FRMD4A: variants seen among roughly 807,000 people sequenced by gnomAD.
The protein encoded by FRMD4A is FERM domain containing 4A.
In FRMD4A, 29 loss-of-function variants were observed where a neutral mutation model predicts 129.1. That is an observed-to-expected ratio of 0.22 (90% CI 0.17 to 0.31). The LOEUF (loss-of-function observed/expected upper bound fraction) is 0.31, where lower values mean the gene tolerates loss of function less well. Ranked by LOEUF, FRMD4A falls within the 10% of genes least tolerant of loss-of-function variation. The pLI is 1.00. For missense variants in FRMD4A, 1,272 were observed against 1,375.8 expected, an observed-to-expected ratio of 0.92 and a Z score of 1.19; for synonymous variants, 634 against 571.6, an observed-to-expected ratio of 1.11 and a Z score of -1.56.
chr10:13,713,425 C>A (rs761045109), intron 12 of FRMD4A, among the ~76,000 whole-genome samples: 2 of 152,164 alleles, frequency 1.3e-5, no homozygotes, highest in Non-Finnish European at 2.9e-5. Flanking sequence ...GAATTAGACT[C>A]ATGGACAGGA....
At chr10:14,307,096 G>A (rs77089633) in intron 2 of FRMD4A, among the ~76,000 whole-genome samples, 1 of 152,194 alleles carries the variant, frequency 6.6e-6, no homozygotes, top group African/African-American at 2.4e-5. Context: ...TCATGTATTA[G>A]CCATTAATAT....
intron 2 of FRMD4A, among the ~76,000 whole-genome samples, chr10:14,291,186 C>T (rs1845841037): frequency 6.6e-6 from 1 of 152,044 alleles, no homozygotes; most frequent in African/African-American, 2.4e-5. Flanking sequence ...AGATTCAGAA[C>T]ACTGGAAATA....
At chr10:14,298,248 C>G (rs1460013621) in intron 2 of FRMD4A, among the ~76,000 whole-genome samples, 1 of 152,174 alleles carries the variant, frequency 6.6e-6, no homozygotes, top group Non-Finnish European at 1.5e-5. Context: ...CTACATGAAT[C>G]TGACAGGTAA....
chr10:13,945,370 G>C (rs1001538783), intron 2 of FRMD4A, among the ~76,000 whole-genome samples: 2 of 152,066 alleles, frequency 1.3e-5, no homozygotes, highest in East Asian at 3.9e-4. Flanking sequence ...ATTTGTAATA[G>C]GTTTCTTTCT....
Position 13,983,242 on chromosome 10 carries a change from A to G in FRMD4A, c.46-124330T>C, listed in dbSNP as rs934536280. ...AAATATTTACTTAACCCAAGGCTCAATGTGTTCCTAAATTTGCAAGCAGTC... is the reference window on the plus strand; with the variant it reads ...AAATATTTACTTAACCCAAGGCTCAGTGTGTTCCTAAATTTGCAAGCAGTC... On this transcript the variant is annotated intron_variant, in intron 2 of 24. Coordinates refer to ENST00000357447, the MANE Select transcript of FRMD4A (RefSeq NM_018027.5). Among the ~76,000 whole-genome samples, 3 of 152,296 alleles carry G rather than the reference A, an allele frequency of 2.0e-5. No homozygotes were observed. In the South Asian group the frequency reaches 6.2e-4, roughly 32 times the overall value.
intron 2 of FRMD4A, among the ~76,000 whole-genome samples, chr10:14,257,985 A>G (rs1844674671): frequency 1.3e-5 from 2 of 152,306 alleles, no homozygotes; most frequent in South Asian, 4.1e-4. Context: ...TGCTGCTAAT[A>G]TTGGATAGCC....
chr10:14,095,738 T>A (rs1836921579), intron 2 of FRMD4A, among the ~76,000 whole-genome samples: 1 of 152,206 alleles, frequency 6.6e-6, no homozygotes, highest in African/African-American at 2.4e-5. Flanking sequence ...CCATATATGA[T>A]GTGGCATATA....
intron 3 of FRMD4A, among the ~76,000 whole-genome samples, chr10:13,835,452 C>T (rs1019033001): frequency 2.0e-5 from 3 of 152,186 alleles, no homozygotes; most frequent in African/African-American, 7.2e-5. Context: ...AGGAACCGGG[C>T]TCCACAGCAG....
intron 2 of FRMD4A, among the ~76,000 whole-genome samples, chr10:13,999,481 C>A (rs771586514): frequency 3.3e-5 from 5 of 152,216 alleles, no homozygotes; most frequent in Non-Finnish European, 7.3e-5. Context: ...CAATATACTT[C>A]TAACCCTTAT....
chr10:13,851,494 T>A (rs975966694), intron 3 of FRMD4A, among the ~76,000 whole-genome samples: 5 of 152,170 alleles, frequency 3.3e-5, no homozygotes, highest in African/African-American at 9.7e-5. Flanking sequence ...CCCCATTGCT[T>A]GCATTACTGC....
chr10:14,093,714 C>T (rs1456652517), intron 2 of FRMD4A, among the ~76,000 whole-genome samples: 2 of 94,020 alleles, frequency 2.1e-5, no homozygotes, highest in Non-Finnish European at 4.5e-5. Flanking sequence ...GATGGCATTT[C>T]ATCATTTAAT....
chr10:13,940,610 C>A (rs1041110027), intron 2 of FRMD4A, among the ~76,000 whole-genome samples: 1 of 152,134 alleles, frequency 6.6e-6, no homozygotes, highest in Non-Finnish European at 1.5e-5. Flanking sequence ...ACAGGAATGG[C>A]GCTATCACTG....
intron 2 of FRMD4A, among the ~76,000 whole-genome samples, chr10:14,315,977 A>G (rs1307803037): frequency 6.6e-6 from 1 of 152,188 alleles, no homozygotes; most frequent in Admixed American, 6.5e-5. Flanking sequence ...CTCCAATTCT[A>G]CCAGGTGGGT....
chr10:14,131,343 T>A (rs1011860028), intron 2 of FRMD4A, among the ~76,000 whole-genome samples: 4 of 151,812 alleles, frequency 2.6e-5, no homozygotes, highest in Admixed American at 2.0e-4. Flanking sequence ...GATGGCAGAG[T>A]AGAAGCAAAG....
intron 3 of FRMD4A, among the ~76,000 whole-genome samples, chr10:13,834,067 C>G (rs2093833926): frequency 6.6e-6 from 1 of 152,116 alleles, no homozygotes; most frequent in Non-Finnish European, 1.5e-5. Context: ...AGTACAAAAC[C>G]AGCCTGGCCA....
intron 2 of FRMD4A, among the ~76,000 whole-genome samples, chr10:14,157,305 C>G (rs1424383315): frequency 6.6e-6 from 1 of 152,200 alleles, no homozygotes; most frequent in Non-Finnish European, 1.5e-5. Flanking sequence ...CTACAGCTCT[C>G]TGGCTCCTCC....
chr10:14,262,557 C>A (rs1844841771), intron 2 of FRMD4A, among the ~76,000 whole-genome samples: 1 of 152,178 alleles, frequency 6.6e-6, no homozygotes, highest in South Asian at 2.1e-4. Context: ...TGGGTCTTCT[C>A]CTTCCTGGGG....
At chr10:13,767,767 G>T (rs73593005) in intron 6 of FRMD4A, among the ~76,000 whole-genome samples, 1 of 152,282 alleles carries the variant, frequency 6.6e-6, no homozygotes, top group South Asian at 2.1e-4. Flanking sequence ...ATTCCTCTGC[G>T]CTTATGCAAT....
intron 2 of FRMD4A, among the ~76,000 whole-genome samples, chr10:14,256,804 G>A (rs1274803641): frequency 4.0e-5 from 6 of 151,864 alleles, no homozygotes; most frequent in Non-Finnish European, 5.9e-5. Flanking sequence ...GCCACACAGC[G>A]AGACTCTGTC....
Sources: gnomAD v4.1 joint callset for allele counts (sites outside exome capture counted in the v4.1 genomes callset) on GRCh38, gnomAD v4.1.1 for gene constraint, MANE v1.5 for transcripts, NCBI Gene and HGNC (gene_info 2026-07-23, HGNC 2026-07-21) for gene names.